Variants in CEP112 observed in about 807,000 individuals in gnomAD.
The protein encoded by CEP112 is centrosomal protein of 112 kDa.
Under a neutral mutation model 153.0 loss-of-function variants are expected in CEP112, and 127 were observed. The observed-to-expected ratio is 0.83, with a 90% CI of 0.72 to 0.96. The LOEUF (loss-of-function observed/expected upper bound fraction) is 0.96, where lower values mean the gene tolerates loss of function less well. CEP112 is among the 40% of genes least tolerant of loss of function. The probability of loss-of-function intolerance (pLI) is 0.00; values close to 1 mark genes in which losing one functional copy is unlikely to be tolerated. For missense variants in CEP112, 1,089 were observed against 1,101.2 expected, an observed-to-expected ratio of 0.99 and a Z score of 0.16; for synonymous variants, 358 against 374.4, an observed-to-expected ratio of 0.96 and a Z score of 0.51.
chr17:65,685,858 A>G (rs2047760558), intron 24 of CEP112, among the ~76,000 whole-genome samples: 1 of 151,840 alleles, frequency 6.6e-6, no homozygotes, highest in Admixed American at 6.6e-5. Context: ...TTTTTAGTAG[A>G]GACAGGATTT....
At chr17:66,073,823 A>T (rs114800644) in intron 8 of CEP112, among the ~76,000 whole-genome samples, 1 of 152,202 alleles carries the variant, frequency 6.6e-6, no homozygotes, top group African/African-American at 2.4e-5. Context: ...AGCCTATAAG[A>T]ACAACAACAA....
chr17:65,664,053 T>A (rs574778933), intron 24 of CEP112, among the ~76,000 whole-genome samples: 5 of 151,912 alleles, frequency 3.3e-5, no homozygotes, highest in Admixed American at 6.6e-5. Flanking sequence ...CTCAAAAAAA[T>A]AAATAAATAA....
At chr17:66,131,002 C>G (rs1439955633) in intron 5 of CEP112, among the ~76,000 whole-genome samples, 1 of 152,132 alleles carries the variant, frequency 6.6e-6, no homozygotes, top group African/African-American at 2.4e-5. Flanking sequence ...AGAATGGCTA[C>G]CTGACAGCCC....
intron 17 of CEP112, among the ~76,000 whole-genome samples, chr17:65,983,918 TTG>T (rs1382893572): frequency 6.6e-6 from 1 of 152,196 alleles, no homozygotes; most frequent in Non-Finnish European, 1.5e-5. Context: ...TCTCTCTACA[TTG>T]TGTTTCTGAT....
intron 8 of CEP112, among the ~76,000 whole-genome samples, chr17:66,087,892 G>A (rs950617974): frequency 6.6e-6 from 1 of 152,010 alleles, no homozygotes; most frequent in Non-Finnish European, 1.5e-5. Context: ...GTCAGTCCCA[G>A]TAAAACGTAG....
At chr17:65,684,084 C>T (rs540681819) in intron 24 of CEP112, among the ~76,000 whole-genome samples, 1 of 152,130 alleles carries the variant, frequency 6.6e-6, no homozygotes, top group Non-Finnish European at 1.5e-5. Context: ...TTCCATTCCA[C>T]ACCTGGGGTC....
chr17:65,646,718 T>C (rs929675423), intron 24 of CEP112, among the ~76,000 whole-genome samples: 17 of 152,188 alleles, frequency 1.1e-4, no homozygotes, highest in African/African-American at 3.9e-4. Context: ...CTGAGCTGAT[T>C]TTTCCACCCC....
intron 23 of CEP112, among the ~76,000 whole-genome samples, chr17:65,737,153 C>T (rs1310212863): frequency 3.9e-5 from 6 of 152,140 alleles, no homozygotes; most frequent in Non-Finnish European, 7.3e-5. Flanking sequence ...CCTCTCCCAA[C>T]ACCAAATAAA....
At chr17:65,765,427 T>G (rs1343049624) in intron 21 of CEP112, among the ~76,000 whole-genome samples, 2 of 152,094 alleles carry the variant, frequency 1.3e-5, no homozygotes, top group East Asian at 3.9e-4. Flanking sequence ...TGCTCTGGTG[T>G]ATTTCACAAT....
At chr17:65,661,704 G>A (rs1167678652) in intron 24 of CEP112, 2 of 152,178 alleles carry the variant, frequency 1.3e-5, no homozygotes, top group Non-Finnish European at 2.9e-5. Flanking sequence ...TACATGGACT[G>A]TTTTTGCCAA....
intron 24 of CEP112, among the ~76,000 whole-genome samples, chr17:65,670,042 C>T (rs1290965574): frequency 6.6e-6 from 1 of 152,100 alleles, no homozygotes; most frequent in African/African-American, 2.4e-5. Flanking sequence ...CAGTCGAAGG[C>T]TAATGGCTCC....
chr17:66,024,682 G>A lies in CEP112; in HGVS notation c.1656+2819C>T, dbSNP rs998831954. On this transcript the variant is annotated intron_variant, in intron 16 of 26. Coordinates refer to ENST00000535342, the MANE Select transcript of CEP112 (RefSeq NM_001199165.4). ...AAATGGAAAAACATCTCATGCTCAC[G>A]GATTAGAATAATTAATATTGTTAAA... Among the ~76,000 whole-genome samples the A allele has an allele frequency of 6.6e-5, 10 of 152,146 alleles. No individual in the cohort carries two copies. The East Asian group carries it at 1.4e-3, about 21-fold the overall frequency.
intron 21 of CEP112, among the ~76,000 whole-genome samples, chr17:65,830,249 T>C (rs1363899652): frequency 6.6e-6 from 1 of 152,126 alleles, no homozygotes. Flanking sequence ...CACCAGAACT[T>C]GGAGGAAAGC....
intron 21 of CEP112, among the ~76,000 whole-genome samples, chr17:65,783,178 T>G (rs577131331): frequency 6.6e-6 from 1 of 152,224 alleles, no homozygotes; most frequent in Non-Finnish European, 1.5e-5. Context: ...CACCTGAAAG[T>G]TATTTAACAT....
intron 19 of CEP112, among the ~76,000 whole-genome samples, chr17:65,911,312 C>T (rs968912595): frequency 3.3e-5 from 5 of 152,018 alleles, no homozygotes; most frequent in Admixed American, 6.6e-5. Flanking sequence ...TTATAAACTT[C>T]AACAATGTAT....
At chr17:66,086,228 A>G (rs2067922798) in intron 8 of CEP112, among the ~76,000 whole-genome samples, 1 of 152,074 alleles carries the variant, frequency 6.6e-6, no homozygotes, top group Non-Finnish European at 1.5e-5. Context: ...GCAACAATAA[A>G]GGCATTTTTA....
At chr17:65,875,119 T>G (rs773245734) in intron 20 of CEP112, among the ~76,000 whole-genome samples, 10 of 152,000 alleles carry the variant, frequency 6.6e-5, no homozygotes, top group Non-Finnish European at 5.9e-5. Context: ...AAACATCAGA[T>G]AGAGACCTAA....
chr17:65,782,176 T>C (rs556713176), intron 21 of CEP112, among the ~76,000 whole-genome samples: 26 of 151,926 alleles, frequency 1.7e-4, no homozygotes, highest in Non-Finnish European at 3.5e-4. Context: ...TCATAAAAAA[T>C]GGGCAAAAGA....
chr17:66,000,875 C>A (rs1256357878), intron 17 of CEP112, among the ~76,000 whole-genome samples: 3 of 152,160 alleles, frequency 2.0e-5, no homozygotes, highest in African/African-American at 7.2e-5. Flanking sequence ...TTAAGCTGGT[C>A]CACAACCATG....
Sources: gnomAD v4.1 joint callset for allele counts (sites outside exome capture counted in the v4.1 genomes callset) on GRCh38, gnomAD v4.1.1 for gene constraint, MANE v1.5 for transcripts, NCBI Gene and HGNC (gene_info 2026-07-23, HGNC 2026-07-21) for gene names.